Variants in DIP2C observed in about 807,000 individuals in gnomAD.
DIP2C encodes DIP2 acetate--CoA ligase C (putative), also known as disco-interacting protein 2 homolog C.
Under a neutral mutation model 192.4 loss-of-function variants are expected in DIP2C, and 33 were observed. That is an observed-to-expected ratio of 0.17 (90% CI 0.13 to 0.23). DIP2C has a LOEUF of 0.23. DIP2C is among the 10% of genes least tolerant of loss of function. DIP2C has a pLI of 1.00. For missense variants in DIP2C, 1,537 were observed against 2,110.1 expected, an observed-to-expected ratio of 0.73 and a Z score of 5.32; for synonymous variants, 979 against 864.1, an observed-to-expected ratio of 1.13 and a Z score of -2.33.
chr10:388,287 G>A (rs991922668), intron 13 of DIP2C, among the ~76,000 whole-genome samples: 8 of 152,148 alleles, frequency 5.3e-5, no homozygotes, highest in South Asian at 2.1e-4. Context: ...TTTGGAAGAC[G>A]GGGAGGACAA....
chr10:454,772 T>C (rs1021228890), intron 3 of DIP2C, among the ~76,000 whole-genome samples: 7 of 151,964 alleles, frequency 4.6e-5, no homozygotes, highest in Non-Finnish European at 1.0e-4. Context: ...ATGTCATTAT[T>C]GCAATGAGAT....
chr10:533,707 A>G (rs972433545), intron 1 of DIP2C, among the ~76,000 whole-genome samples: 1 of 151,152 alleles, frequency 6.6e-6, no homozygotes, highest in African/African-American at 2.4e-5. Context: ...GAAATTTCTC[A>G]TGGACAGAGA....
intron 3 of DIP2C, among the ~76,000 whole-genome samples, chr10:445,427 T>C (rs547561255): frequency 6.6e-6 from 1 of 150,428 alleles, no homozygotes; most frequent in Non-Finnish European, 1.5e-5. Flanking sequence ...TATCTTGCAC[T>C]GGACATCTGT....
chr10:575,548 G>A (rs1451501626), intron 1 of DIP2C, among the ~76,000 whole-genome samples: 1 of 152,182 alleles, frequency 6.6e-6, no homozygotes, highest in Non-Finnish European at 1.5e-5. Flanking sequence ...GTCGCAAAGG[G>A]GCTTCTCCCT....
intron 3 of DIP2C, among the ~76,000 whole-genome samples, chr10:467,521 T>TA (rs1302182882): frequency 1.7e-5 from 1 of 59,068 alleles, no homozygotes; most frequent in Non-Finnish European, 4.3e-5. Context: ...CCCTAAAACT[T>TA]AAAGTATAAA....
At chr10:411,386 T>C (rs1366794626) in intron 8 of DIP2C, among the ~76,000 whole-genome samples, 2 of 152,196 alleles carry the variant, frequency 1.3e-5, no homozygotes, top group Admixed American at 1.3e-4. Flanking sequence ...ATGCCACGGG[T>C]AGTCTAAAGT....
intron 17 of DIP2C, among the ~76,000 whole-genome samples, chr10:373,346 C>T (rs1961213105): frequency 6.6e-6 from 1 of 152,188 alleles, no homozygotes; most frequent in Non-Finnish European, 1.5e-5. Flanking sequence ...TAACCACATA[C>T]AGATTTTTTA....
intron 30 of DIP2C, among the ~76,000 whole-genome samples, chr10:328,888 A>G (rs1957383021): frequency 6.6e-6 from 1 of 152,230 alleles, no homozygotes; most frequent in Non-Finnish European, 1.5e-5. Flanking sequence ...ATGAAGATAT[A>G]CGTATCAAAA....
intron 31 of DIP2C, chr10:324,861 T>C (rs1454803766): frequency 2.0e-6 from 1 of 502,314 alleles, no homozygotes. Context: ...AACTCTGTTC[T>C]TCATTCTGTC....
chr10:559,074 G>A (rs1402876925), intron 1 of DIP2C, among the ~76,000 whole-genome samples: 1 of 152,148 alleles, frequency 6.6e-6, no homozygotes, highest in African/African-American at 2.4e-5. Flanking sequence ...TTGAATATTT[G>A]CATCTGAGTC....
chr10:362,447 G>T, intron 22 of DIP2C, 43 bp downstream of exon 22: 1 of 1,598,294 alleles, frequency 6.3e-7, no homozygotes, highest in South Asian at 1.1e-5. Flanking sequence ...GCAGCCCCAA[G>T]GGAACTCCCG....
intron 29 of DIP2C, among the ~76,000 whole-genome samples, chr10:336,762 C>T (rs1957787343): frequency 6.6e-6 from 1 of 152,182 alleles, no homozygotes; most frequent in South Asian, 2.1e-4. Flanking sequence ...GAAGGCCCTC[C>T]AGTGGGACAA....
chr10:487,480 C>G (rs1844095817), intron 1 of DIP2C, among the ~76,000 whole-genome samples: 1 of 151,518 alleles, frequency 6.6e-6, no homozygotes, highest in Non-Finnish European at 1.5e-5. Context: ...TACAGGTTCT[C>G]GTCTCCCCCA....
chr10:471,606 C>A (rs1444503708), intron 3 of DIP2C, among the ~76,000 whole-genome samples: 3 of 152,196 alleles, frequency 2.0e-5, no homozygotes, highest in Non-Finnish European at 2.9e-5. Flanking sequence ...CGAATCGGGT[C>A]CATCACCAGC....
At chr10:388,427 G>C (rs1963163822) in intron 13 of DIP2C, among the ~76,000 whole-genome samples, 1 of 152,210 alleles carries the variant, frequency 6.6e-6, no homozygotes, top group South Asian at 2.1e-4. Context: ...GGCCAGCCAA[G>C]GTCAGCAGCT....
intron 1 of DIP2C, among the ~76,000 whole-genome samples, chr10:499,631 C>T (rs1845087836): frequency 1.3e-5 from 2 of 152,120 alleles, no homozygotes; most frequent in African/African-American, 2.4e-5. Flanking sequence ...AACACAGTTA[C>T]CAAAAAAACA....
intron 1 of DIP2C, among the ~76,000 whole-genome samples, chr10:577,353 G>A (rs1022172210): frequency 1.3e-5 from 2 of 152,194 alleles, no homozygotes; most frequent in African/African-American, 4.8e-5. Context: ...AGAAATAAAG[G>A]CAAAAATAAG....
intron 1 of DIP2C, among the ~76,000 whole-genome samples, chr10:621,270 A>G (rs1853830361): frequency 6.7e-6 from 1 of 149,178 alleles, no homozygotes; most frequent in African/African-American, 2.5e-5. Flanking sequence ...ACACACCCCC[A>G]GGTGTGCACA....
chr10:381,828 G>A (rs915439635), intron 17 of DIP2C, among the ~76,000 whole-genome samples: 9 of 152,134 alleles, frequency 5.9e-5, no homozygotes, highest in Admixed American at 1.3e-4. Flanking sequence ...CCACCACTGG[G>A]AGTATTGCCG....
Sources: allele counts gnomAD v4.1 joint callset (sites outside exome capture counted in the v4.1 genomes callset), GRCh38; gene constraint gnomAD v4.1.1; transcripts MANE v1.5; gene names NCBI Gene and HGNC (gene_info 2026-07-23, HGNC 2026-07-21).